The following ST3GAL5 variants were observed in gnomAD, a reference collection of about 807,000 sequenced individuals.
The protein encoded by ST3GAL5 is ST3 beta-galactoside alpha-2,3-sialyltransferase 5, also known as lactosylceramide alpha-2,3-sialyltransferase.
ST3GAL5 carries 25 observed loss-of-function variants against 46.1 expected under a neutral mutation model. The observed-to-expected ratio is 0.54, with a 90% CI of 0.40 to 0.76. The LOEUF (loss-of-function observed/expected upper bound fraction) is 0.76, where lower values mean the gene tolerates loss of function less well. ST3GAL5 is among the 30% of genes least tolerant of loss of function. The pLI, the probability that ST3GAL5 is intolerant of heterozygous loss-of-function variation, is 0.00. For missense variants in ST3GAL5, 431 were observed against 521.2 expected, an observed-to-expected ratio of 0.83 and a Z score of 1.69; for synonymous variants, 182 against 192.7, an observed-to-expected ratio of 0.94 and a Z score of 0.46.
chr2:85,853,372 C>T (rs766692969), intron 3 of ST3GAL5: 7 of 329,216 alleles, frequency 2.1e-5, no homozygotes, highest in Admixed American at 4.2e-5. Flanking sequence ...CGGGGACCAG[C>T]GTCACCAGAC....
intron 3 of ST3GAL5, chr2:85,848,638 T>C: frequency 3.0e-6 from 1 of 336,414 alleles, no homozygotes; most frequent in Non-Finnish European, 5.8e-6. Flanking sequence ...ACCTGACTTA[T>C]ATGAGGTATC....
At chr2:85,882,191 AG>A (rs1687230943) in intron 1 of ST3GAL5, among the ~76,000 whole-genome samples, 1 of 152,210 alleles carries the variant, frequency 6.6e-6, no homozygotes, top group Non-Finnish European at 1.5e-5. Context: ...CCCAGGCAAA[AG>A]TTTGCTGCAG....
In ST3GAL5 at chr2:85,837,894, G is replaced by A. The variant is rs1681626263; in HGVS notation, c.*2250C>T. On this transcript the variant is annotated 3_prime_UTR_variant, in exon 7 of 7. Coordinates refer to ENST00000638572, the MANE Select transcript of ST3GAL5 (RefSeq NM_003896.4). ...AATACAAAGCTGTTAGTGTGGCAGTGAATTCTCAGTTACTGGAGATCAACT... is the reference window on the plus strand; with the variant it reads ...AATACAAAGCTGTTAGTGTGGCAGTAAATTCTCAGTTACTGGAGATCAACT... 3 of 152,170 alleles carry A rather than the reference G, an allele frequency of 2.0e-5. No homozygotes were observed. The highest frequency in any genetic ancestry group is 1.3e-4 in the Admixed American group (2 of 15,266). The allele number at this position is 152,170 out of a possible 1,614,324, so 9.4% of individuals were successfully genotyped here.
intron 5 of ST3GAL5, chr2:85,845,650 C>T (rs1349193560): frequency 2.0e-5 from 3 of 152,804 alleles, no homozygotes; most frequent in African/African-American, 7.2e-5. Context: ...CCATCTCACT[C>T]CATTCCCGCC....
chr2:85,855,993 A>T (rs1163308246), intron 3 of ST3GAL5: 3 of 152,262 alleles, frequency 2.0e-5, no homozygotes, highest in Admixed American at 6.5e-5. Flanking sequence ...TACCTTGCTT[A>T]CAAGAATGTA....
At chr2:85,847,793 C>T (rs1226661257) in intron 4 of ST3GAL5, 68 bp downstream of exon 4, 2 of 1,555,102 alleles carry the variant, frequency 1.3e-6, no homozygotes, top group East Asian at 2.4e-5. Flanking sequence ...GAGACCCTGC[C>T]TCAAAAAATA....
chr2:85,873,114 A>G (rs1686136574), intron 1 of ST3GAL5, among the ~76,000 whole-genome samples: 1 of 152,100 alleles, frequency 6.6e-6, no homozygotes, highest in Non-Finnish European at 1.5e-5. Flanking sequence ...TGGCCACTGA[A>G]TGTTGGCTGC....
chr2:85,888,148 G>C (rs1461247060), intron 1 of ST3GAL5: 2 of 152,194 alleles, frequency 1.3e-5, no homozygotes, highest in African/African-American at 4.8e-5. Flanking sequence ...GGGGATCAGT[G>C]TCTGCCAAGG....
rs911192745 is a variant in ST3GAL5, at chr2:85,852,808, C to T, written c.319-4604G>A. The T allele has an allele frequency of 6.9e-6, 8 of 1,153,398 alleles. 1 individual carries two copies. The highest frequency in any genetic ancestry group is 5.2e-5 in the South Asian group (4 of 77,306). 71.4% of individuals were successfully genotyped at this position (1,153,398 alleles called of 1,614,324 possible). Reference sequence around the variant, plus strand: ...AGTTCTAGATTGATTTAACTAGCAGCGTCGTCTTTGTTAAAGCATTTCTCC... The same window carrying T: ...AGTTCTAGATTGATTTAACTAGCAGTGTCGTCTTTGTTAAAGCATTTCTCC... On this transcript the variant is annotated intron_variant, in intron 3 of 6. Coordinates refer to ENST00000638572, the MANE Select transcript of ST3GAL5 (RefSeq NM_003896.4).
chr2:85,872,848 C>T (rs1227863503), intron 1 of ST3GAL5, among the ~76,000 whole-genome samples: 1 of 152,216 alleles, frequency 6.6e-6, no homozygotes, highest in Admixed American at 6.5e-5. Flanking sequence ...AGGAAGAATT[C>T]CACTTGGCAA....
In ST3GAL5 at chr2:85,839,962, G is replaced by A. The variant is rs1681810080; in HGVS notation, c.*182C>T. 1 of 758,072 alleles carries A rather than the reference G, an allele frequency of 1.3e-6. No homozygotes were observed. The highest frequency in any genetic ancestry group is 1.8e-5 in the South Asian group (1 of 54,260). The allele number at this position is 758,072 out of a possible 1,614,324, so 47.0% of individuals were successfully genotyped here. On this transcript the variant is annotated 3_prime_UTR_variant, in exon 7 of 7. Transcript: ENST00000638572. ...AAAATGGTGTGCAAAAACAAACACTGACCTCAAATAAATAGGAAAAAAAAA... is the reference window on the plus strand; with the variant it reads ...AAAATGGTGTGCAAAAACAAACACTAACCTCAAATAAATAGGAAAAAAAAA...
chr2:85,867,738 C>T, intron 1 of ST3GAL5: 1 of 748,446 alleles, frequency 1.3e-6, no homozygotes, highest in Non-Finnish European at 2.5e-6. Flanking sequence ...TGACATCCAA[C>T]CCTCAGGAAA....
rs1688076303 is a variant in ST3GAL5 at position 85,888,902 on chromosome 2, G to A, written c.4C>T (p.Arg2Trp). Residue 2 changes from arginine to tryptophan, a missense_variant, in exon 1 of 7, where the codon CGG becomes TGG. Coordinates refer to ENST00000638572, the MANE Select transcript of ST3GAL5 (RefSeq NM_003896.4). Reference protein sequence around the residue: MRTKAAGCAERR... With the variant: MWTKAAGCAERR... ...TCCGCGCAGCCCGCCGCCTTCGTCC[G>A]CATACTAATGAGGGGGCGCCGGCCG... 3 of 1,369,856 alleles carry A rather than the reference G, an allele frequency of 2.2e-6. No homozygotes were observed. Among genetic ancestry groups the A allele is most frequent in the South Asian group, 1.6e-5 (1 of 63,806 alleles). The allele number at this position is 1,369,856 out of a possible 1,614,324, so 84.9% of individuals were successfully genotyped here.
chr2:85,878,886 G>C (rs923643241), intron 1 of ST3GAL5, among the ~76,000 whole-genome samples: 8 of 152,248 alleles, frequency 5.3e-5, no homozygotes, highest in African/African-American at 1.9e-4. Context: ...TGTATGAATG[G>C]GTCCTCGAAG....
At chr2:85,883,354 C>T (rs972745722) in intron 1 of ST3GAL5, among the ~76,000 whole-genome samples, 1 of 152,182 alleles carries the variant, frequency 6.6e-6, no homozygotes, top group Non-Finnish European at 1.5e-5. Flanking sequence ...CTTGCCTCCA[C>T]CATGCAAGAA....
At chr2:85,841,907 A>G (rs1029439428) in intron 6 of ST3GAL5, among the ~76,000 whole-genome samples, 2 of 152,160 alleles carry the variant, frequency 1.3e-5, no homozygotes, top group African/African-American at 4.8e-5. Context: ...GGCCTCCTCA[A>G]AGGCTGCCAC....
At chr2:85,880,763 G>A (rs558221891) in intron 1 of ST3GAL5, 4 of 446,296 alleles carry the variant, frequency 9.0e-6, no homozygotes, top group Admixed American at 4.9e-5. Flanking sequence ...GGCTGAGGTT[G>A]CAGTGAGCCA....
chr2:85,861,645 T>TAAAAAAAAA (rs3046643), intron 2 of ST3GAL5, among the ~76,000 whole-genome samples: 18 of 123,760 alleles, frequency 1.5e-4, no homozygotes, highest in South Asian at 5.4e-4. Context: ...TGTCAGTCCT[T>TAAAAAAAAA]AAAAAAAAAA....
Position 85,848,006 on chromosome 2 carries a change from T to A in ST3GAL5, c.517A>T (p.Thr173Ser). 6.2e-7 allele frequency: 1 copy of A among 1,614,052 alleles called. No individual in the cohort carries two copies. Among genetic ancestry groups the A allele is most frequent in the Non-Finnish European group, 8.5e-7 (1 of 1,180,018 alleles). ...GFRKFSSKVQ[T>S]LLELLPEHDL... Reference sequence around the variant, plus strand: ...TGCTCTGGCAAGAGTTCCAAGAGGGTCTGGACTTTACTGGAGAACTTCCGG... The same window carrying A: ...TGCTCTGGCAAGAGTTCCAAGAGGGACTGGACTTTACTGGAGAACTTCCGG... The change falls in exon 4 of 7, where the codon ACC becomes TCC. Residue 173 changes from threonine to serine, a missense_variant. Physicochemically the swap from Thr to Ser is moderately conservative, Grantham distance 58. Coordinates refer to ENST00000638572, the MANE Select transcript of ST3GAL5 (RefSeq NM_003896.4).
Sources: allele counts gnomAD v4.1 joint callset (sites outside exome capture counted in the v4.1 genomes callset), GRCh38; gene constraint gnomAD v4.1.1; transcripts MANE v1.5; gene names NCBI Gene and HGNC (gene_info 2026-07-23, HGNC 2026-07-21).